The following LIMK2 variants were observed in gnomAD, a reference collection of about 807,000 sequenced individuals.
The protein encoded by LIMK2 is LIM domain kinase 2.
Under a neutral mutation model 75.7 loss-of-function variants are expected in LIMK2, and 35 were observed. The observed-to-expected ratio is 0.46, with a 90% CI of 0.35 to 0.61. The LOEUF is 0.61. Ranked by LOEUF, LIMK2 falls within the 20% of genes least tolerant of loss-of-function variation. LIMK2 has a pLI of 0.00. For missense variants in LIMK2, 623 were observed against 831.0 expected, an observed-to-expected ratio of 0.75 and a Z score of 3.08; for synonymous variants, 301 against 319.2, an observed-to-expected ratio of 0.94 and a Z score of 0.61.
At chr22:31,277,245 T>C (rs1397195221) in intron 15 of LIMK2, 6 of 1,562,284 alleles carry the variant, frequency 3.8e-6, no homozygotes, top group Non-Finnish European at 5.2e-6. Flanking sequence ...CCTGGTTCCA[T>C]GAGCAGGGCT....
At chr22:31,242,767 G>T (rs1309908587) in intron 2 of LIMK2, among the ~76,000 whole-genome samples, 1 of 152,132 alleles carries the variant, frequency 6.6e-6, no homozygotes, top group East Asian at 1.9e-4. Flanking sequence ...CCTGGTGTTT[G>T]TGAACATGAC....
chr22:31,273,604 G>C, intron 14 of LIMK2, 97 bp downstream of exon 14: 7 of 943,678 alleles, frequency 7.4e-6, no homozygotes, highest in Non-Finnish European at 1.0e-5. Flanking sequence ...TGACTAGCTT[G>C]ACTAAAATCA....
intron 2 of LIMK2, among the ~76,000 whole-genome samples, chr22:31,244,995 T>C (rs2048655466): frequency 6.6e-6 from 1 of 152,210 alleles, no homozygotes; most frequent in Non-Finnish European, 1.5e-5. Context: ...GCTTTATCTG[T>C]AAAGAGAAAA....
intron 11 of LIMK2, among the ~76,000 whole-genome samples, chr22:31,269,805 T>G (rs1198772645): frequency 2.0e-5 from 3 of 149,616 alleles, no homozygotes; most frequent in Admixed American, 2.0e-4. Context: ...CTGATATGGT[T>G]AGTACATTGG....
At chr22:31,257,184 G>T (rs911856116) in intron 2 of LIMK2, among the ~76,000 whole-genome samples, 31 of 149,144 alleles carry the variant, frequency 2.1e-4, no homozygotes, top group African/African-American at 7.6e-4. Context: ...CAGCCACCCC[G>T]CCCAGCGAGC....
chr22:31,214,368 T>C (rs777054853), intron 1 of LIMK2, among the ~76,000 whole-genome samples: 1 of 152,210 alleles, frequency 6.6e-6, no homozygotes, highest in African/African-American at 2.4e-5. Flanking sequence ...ATCCTAGAGA[T>C]GGACAATAAA....
At chr22:31,254,057 C>T (rs959494116) in intron 2 of LIMK2, among the ~76,000 whole-genome samples, 8 of 152,210 alleles carry the variant, frequency 5.3e-5, no homozygotes, top group African/African-American at 1.9e-4. Flanking sequence ...GCTGGCTGTG[C>T]CCTTTAAAGG....
At chr22:31,270,538 C>T (rs1395331686) in intron 11 of LIMK2, among the ~76,000 whole-genome samples, 2 of 152,068 alleles carry the variant, frequency 1.3e-5, no homozygotes, top group Non-Finnish European at 2.9e-5. Context: ...GGAAGTTGCT[C>T]CTGAGAGTGG....
intron 12 of LIMK2, 46 bp downstream of exon 12, chr22:31,271,247 C>G (rs1184383155): frequency 6.5e-7 from 1 of 1,548,724 alleles, no homozygotes; most frequent in Non-Finnish European, 8.9e-7. Context: ...CCTATCCTTC[C>G]TGGCTTCCTT....
chr22:31,270,095 G>T (rs2048940580), intron 11 of LIMK2, among the ~76,000 whole-genome samples: 1 of 152,166 alleles, frequency 6.6e-6, no homozygotes, highest in Non-Finnish European at 1.5e-5. Flanking sequence ...GCTGTTCTGT[G>T]CTAGCAGAAC....
chr22:31,212,798 G>T (rs1192393677), intron 1 of LIMK2, among the ~76,000 whole-genome samples: 1 of 152,100 alleles, frequency 6.6e-6, no homozygotes, highest in African/African-American at 2.4e-5. Flanking sequence ...AAAAGCATGG[G>T]GTTCTCTTAT....
chr22:31,230,005 C>G (rs1349552455), intron 2 of LIMK2: 1 of 151,852 alleles, frequency 6.6e-6, no homozygotes, highest in Non-Finnish European at 1.5e-5. Context: ...TCCCAACAGG[C>G]CTCTTTTTTT....
chr22:31,217,365 C>G (rs573465561), intron 1 of LIMK2, among the ~76,000 whole-genome samples: 1 of 151,990 alleles, frequency 6.6e-6, no homozygotes, highest in Non-Finnish European at 1.5e-5. Context: ...CCACCGCACT[C>G]CAGCCTGGGT....
chr22:31,228,436 C>T lies in LIMK2; in HGVS notation c.116+2617C>T, dbSNP rs562713167. On this transcript the variant is annotated intron_variant, in intron 2 of 15. Transcript: ENST00000331728. The stretch of plus-strand genomic sequence containing the variant: ...CTCCATCGCAAAAAAACAACCACCA[C>T]CAAGAGTACAGGCTATGGAATGAGA... Among the ~76,000 whole-genome samples, 4 of 151,914 alleles carry T rather than the reference C, an allele frequency of 2.6e-5. No individual in the cohort carries two copies. The South Asian group carries it at 6.2e-4, about 24-fold the overall frequency.
chr22:31,272,604 G>A lies in LIMK2; in HGVS notation c.1458G>A (p.Glu486=). 1.2e-6 allele frequency: 2 copies of A among 1,614,036 alleles called. No homozygotes were observed. Among genetic ancestry groups the A allele is most frequent in the Non-Finnish European group, 1.7e-6 (2 of 1,180,008 alleles). Residue 486 remains glutamate (E), a synonymous_variant, in exon 13 of 16, where the codon GAG becomes GAA. Coordinates refer to ENST00000331728, the MANE Select transcript of LIMK2 (RefSeq NM_005569.4). ...IVEERKRAPM[E]KATTKKRTLR... ...AAGAGAGGAAAAGGGCCCCCATGGAGAAGGCCACCACCAAGAAACGCACCT... is the reference window on the plus strand; with the variant it reads ...AAGAGAGGAAAAGGGCCCCCATGGAAAAGGCCACCACCAAGAAACGCACCT...
At chr22:31,240,576 C>T (rs766464756) in intron 2 of LIMK2, among the ~76,000 whole-genome samples, 5 of 151,940 alleles carry the variant, frequency 3.3e-5, no homozygotes, top group South Asian at 2.1e-4. Flanking sequence ...GGCGCACACC[C>T]CCACTCCTGG....
At chr22:31,212,551 A>C (rs2048355883) in intron 1 of LIMK2, 127 bp downstream of exon 1, 2 of 961,132 alleles carry the variant, frequency 2.1e-6, no homozygotes, top group Middle Eastern at 2.3e-4. Flanking sequence ...CGAGCTCCTC[A>C]GAAAAGCTGG....
rs1167579050 is a variant in LIMK2, at chr22:31,278,521, C to T, written c.*80C>T. 17 of 1,412,840 alleles carry T rather than the reference C, an allele frequency of 1.2e-5. No homozygotes were observed. The highest frequency in any genetic ancestry group is 7.3e-5 in the East Asian group (3 of 41,266). 87.5% of individuals were successfully genotyped at this position (1,412,840 alleles called of 1,614,324 possible). Reference sequence around the variant, plus strand: ...GCCCCATTCCTGCTGTGAGCAGGGCCGTCCGGGCTTCCTGTGGATTGGCGG... The same window carrying T: ...GCCCCATTCCTGCTGTGAGCAGGGCTGTCCGGGCTTCCTGTGGATTGGCGG... On this transcript the variant is annotated 3_prime_UTR_variant, in exon 16 of 16. Coordinates refer to ENST00000331728, the MANE Select transcript of LIMK2 (RefSeq NM_005569.4).
At chr22:31,219,351 A>G (rs1472850622) in intron 1 of LIMK2, among the ~76,000 whole-genome samples, 4 of 152,214 alleles carry the variant, frequency 2.6e-5, no homozygotes, top group Non-Finnish European at 5.9e-5. Flanking sequence ...TTTTATACCA[A>G]GATTGAAAAG....
Sources: allele counts gnomAD v4.1 joint callset (sites outside exome capture counted in the v4.1 genomes callset), GRCh38; gene constraint gnomAD v4.1.1; transcripts MANE v1.5; gene names NCBI Gene and HGNC (gene_info 2026-07-23, HGNC 2026-07-21).